Variants in CARMIL1 observed in about 807,000 individuals in gnomAD.
The protein encoded by CARMIL1 is F-actin-uncapping protein LRRC16A.
Under a neutral mutation model 177.1 loss-of-function variants are expected in CARMIL1, and 90 were observed. The ratio of observed to expected loss-of-function variants is 0.51; its 90% CI spans 0.43 to 0.61. The LOEUF is 0.61. CARMIL1 is among the 20% of genes least tolerant of loss of function. The pLI, the probability that CARMIL1 is intolerant of heterozygous loss-of-function variation, is 0.00. For missense variants in CARMIL1, 1,380 were observed against 1,667.0 expected, an observed-to-expected ratio of 0.83 and a Z score of 3.00; for synonymous variants, 577 against 606.2, an observed-to-expected ratio of 0.95 and a Z score of 0.71.
chr6:25,470,068 T>C (rs1800967863), intron 9 of CARMIL1, among the ~76,000 whole-genome samples: 1 of 152,080 alleles, frequency 6.6e-6, no homozygotes, highest in African/African-American at 2.4e-5. Context: ...ATATGCATAA[T>C]AGTTATATAA....
At chr6:25,284,968 T>A in intron 2 of CARMIL1, 59 bp downstream of exon 2, 1 of 1,039,068 alleles carries the variant, frequency 9.6e-7, no homozygotes, top group Non-Finnish European at 1.5e-6. Context: ...TTTTCATTGT[T>A]TAGATTGCTT....
chr6:25,431,639 T>C (rs571224047), intron 4 of CARMIL1, among the ~76,000 whole-genome samples: 1 of 152,200 alleles, frequency 6.6e-6, no homozygotes, highest in East Asian at 1.9e-4. Flanking sequence ...ATGCCAAGGT[T>C]ATGTTCGAAA....
chr6:25,362,440 C>T (rs552098533), intron 2 of CARMIL1, among the ~76,000 whole-genome samples: 4 of 152,008 alleles, frequency 2.6e-5, no homozygotes, highest in Non-Finnish European at 5.9e-5. Context: ...TTTGGGAGGC[C>T]GAGGTGGGTG....
intron 8 of CARMIL1, among the ~76,000 whole-genome samples, chr6:25,456,384 G>A (rs1053710999): frequency 6.6e-6 from 1 of 152,210 alleles, no homozygotes; most frequent in Non-Finnish European, 1.5e-5. Flanking sequence ...GAATAAGGAT[G>A]ACAGTGATCA....
At chr6:25,318,879 A>G (rs1784474999) in intron 2 of CARMIL1, among the ~76,000 whole-genome samples, 1 of 152,180 alleles carries the variant, frequency 6.6e-6, no homozygotes, top group African/African-American at 2.4e-5. Flanking sequence ...GACAGATGCA[A>G]TCAGAGAAGG....
At chr6:25,404,018 A>C (rs1294316244) in intron 2 of CARMIL1, among the ~76,000 whole-genome samples, 2 of 152,260 alleles carry the variant, frequency 1.3e-5, no homozygotes, top group Non-Finnish European at 2.9e-5. Flanking sequence ...TTGTAAACAA[A>C]GAGTGCTAAT....
chr6:25,409,329 C>T (rs924430174), intron 2 of CARMIL1, among the ~76,000 whole-genome samples: 1 of 152,174 alleles, frequency 6.6e-6, no homozygotes, highest in Admixed American at 6.5e-5. Flanking sequence ...ATTTTCAGAG[C>T]TATATTCTAT....
intron 2 of CARMIL1, among the ~76,000 whole-genome samples, chr6:25,296,974 T>G (rs886901761): frequency 4.7e-5 from 7 of 150,176 alleles, no homozygotes; most frequent in East Asian, 2.0e-4. Flanking sequence ...TAAAGCATTT[T>G]AAAACGTGGC....
At chr6:25,389,046 C>T (rs981082317) in intron 2 of CARMIL1, 1 of 152,244 alleles carries the variant, frequency 6.6e-6, no homozygotes, top group African/African-American at 2.4e-5. Flanking sequence ...AGCTTTTACT[C>T]CTTACTGATG....
intron 30 of CARMIL1, 110 bp from the exon 31 acceptor site, chr6:25,581,133 T>A: frequency 7.8e-7 from 1 of 1,278,506 alleles, no homozygotes; most frequent in Non-Finnish European, 1.1e-6. Context: ...TGAATGTGTG[T>A]TTGCTATTCT....
chr6:25,479,370 ACTT>A (rs1049820307), intron 11 of CARMIL1: 5 of 342,628 alleles, frequency 1.5e-5, no homozygotes, highest in Admixed American at 3.9e-5. Context: ...GAGATTATTT[ACTT>A]CTTCTTAAAT....
At chr6:25,614,891 A>G (rs906648733) in intron 36 of CARMIL1, among the ~76,000 whole-genome samples, 1 of 152,142 alleles carries the variant, frequency 6.6e-6, no homozygotes, top group African/African-American at 2.4e-5. Context: ...TTTGTTCATG[A>G]CCTCTTTAGC....
At chr6:25,353,080 G>A (rs1439417201) in intron 2 of CARMIL1, among the ~76,000 whole-genome samples, 1 of 152,150 alleles carries the variant, frequency 6.6e-6, no homozygotes, top group African/African-American at 2.4e-5. Context: ...ACCAACTGTA[G>A]GTCCTGGCTG....
At position 25,491,654 on chromosome 6, in the gene CARMIL1, C is replaced by T. The variant is rs1263060034; in HGVS notation, c.1066-78C>T. 27 of 927,662 alleles carry T rather than the reference C, an allele frequency of 2.9e-5. No homozygotes were observed. In the South Asian group the frequency reaches 4.0e-4, roughly 14 times the overall value. 57.5% of individuals were successfully genotyped at this position (927,662 alleles called of 1,614,324 possible). ...TGATCTGAGAAATTCTGGCAACTTC[C>T]TTTTAAAACATTAACTTGCATTGTG... On this transcript the variant is annotated intron_variant, in intron 13 of 36. Transcript: ENST00000329474.
intron 11 of CARMIL1, among the ~76,000 whole-genome samples, chr6:25,480,784 G>A (rs1802045099): frequency 7.2e-6 from 1 of 138,038 alleles, no homozygotes. Context: ...AGGCTGGCGC[G>A]ATCTCGGCTC....
chr6:25,529,639 A>C (rs1582259648), intron 24 of CARMIL1, among the ~76,000 whole-genome samples: 3 of 151,416 alleles, frequency 2.0e-5, no homozygotes, highest in African/African-American at 7.3e-5. Context: ...TACATCCATA[A>C]AATAAGAATA....
intron 30 of CARMIL1, 21 bp from the exon 31 acceptor site, chr6:25,581,222 T>G (rs771031398): frequency 1.4e-5 from 23 of 1,603,060 alleles, no homozygotes; most frequent in Middle Eastern, 1.7e-4. Flanking sequence ...TGTTTTTTTG[T>G]TTTTTTGTTT....
In CARMIL1 at chr6:25,284,878, T is replaced by A. The variant is rs1362967688; in HGVS notation, c.107T>A (p.Val36Asp). ...GTGAAGAAGAAAGTAAAGTTGGAAG[T>A]TAAGGGAGACAAAGTTGAAAACAAA... ...ISVKKKVKLEVKGDKVENKVL... is the reference protein window; with the variant it reads ...ISVKKKVKLEDKGDKVENKVL... Residue 36 changes from valine to aspartate, a missense_variant, in exon 2 of 37, where the codon GTT becomes GAT. By Grantham distance (152) the Val-to-Asp change is radical. Coordinates refer to ENST00000329474, the MANE Select transcript of CARMIL1 (RefSeq NM_017640.6). 6.4e-7 allele frequency: 1 copy of A among 1,571,390 alleles called. No homozygotes were observed. The highest frequency in any genetic ancestry group is 1.7e-4 in the Middle Eastern group (1 of 6,010).
chr6:25,376,185 A>T (rs1790957931), intron 2 of CARMIL1, among the ~76,000 whole-genome samples: 1 of 152,162 alleles, frequency 6.6e-6, no homozygotes, highest in Admixed American at 6.5e-5. Flanking sequence ...GGTTCAAGGG[A>T]TTCTGCTGCC....
Sources: allele counts gnomAD v4.1 joint callset (sites outside exome capture counted in the v4.1 genomes callset), GRCh38; gene constraint gnomAD v4.1.1; transcripts MANE v1.5; gene names NCBI Gene and HGNC (gene_info 2026-07-23, HGNC 2026-07-21).